Variants in ELOVL7 observed in about 807,000 individuals in gnomAD.
ELOVL7 encodes the protein ELOVL fatty acid elongase 7.
Under a neutral mutation model 35.7 loss-of-function variants are expected in ELOVL7, and 27 were observed. That is an observed-to-expected ratio of 0.76 (90% CI 0.56 to 1.04). The LOEUF (loss-of-function observed/expected upper bound fraction) is 1.04. Among genes scored for constraint, ELOVL7 ranks in the 50% least tolerant of loss-of-function variants. The pLI is 0.00. For synonymous variants in ELOVL7, 113 were observed against 114.6 expected, an observed-to-expected ratio of 0.99 and a Z score of 0.09; for missense variants, 327 against 340.8, an observed-to-expected ratio of 0.96 and a Z score of 0.32.
chr5:60,756,692 G>C (rs1741558412), intron 8 of ELOVL7, among the ~76,000 whole-genome samples: 1 of 152,010 alleles, frequency 6.6e-6, no homozygotes, highest in Admixed American at 6.5e-5. Context: ...TTTCATGTAG[G>C]AAGTTACAGG....
At chr5:60,800,495 A>G (rs1034048317) in intron 1 of ELOVL7, among the ~76,000 whole-genome samples, 1 of 152,252 alleles carries the variant, frequency 6.6e-6, no homozygotes, top group African/African-American at 2.4e-5. Flanking sequence ...TGAAGGCCAT[A>G]TATAAAAAGC....
intron 7 of ELOVL7, among the ~76,000 whole-genome samples, chr5:60,760,317 T>C (rs1248729776): frequency 6.6e-6 from 1 of 152,252 alleles, no homozygotes; most frequent in Non-Finnish European, 1.5e-5. Flanking sequence ...CCTGACCTTT[T>C]AATGATTGCC....
intron 1 of ELOVL7, among the ~76,000 whole-genome samples, chr5:60,819,568 G>A (rs538460698): frequency 6.6e-6 from 1 of 152,204 alleles, no homozygotes; most frequent in East Asian, 1.9e-4. Flanking sequence ...GATCACCTGA[G>A]GTCAGGAGTT....
chr5:60,795,805 G>T (rs1192659998), intron 2 of ELOVL7, among the ~76,000 whole-genome samples: 1 of 151,514 alleles, frequency 6.6e-6, no homozygotes, highest in East Asian at 2.0e-4. Flanking sequence ...AACACTAGTC[G>T]CTAGGTTCCA....
rs770769866 is a variant in ELOVL7, at chr5:60,754,806, T to C, written c.664A>G (p.Ile222Val). 9 of 1,614,134 alleles carry C rather than the reference T, an allele frequency of 5.6e-6. No individual in the cohort carries two copies. The highest frequency in any genetic ancestry group is 1.1e-5 in the South Asian group (1 of 91,080). The change falls in exon 9 of 9, where the codon ATA (isoleucine) becomes GTA (valine). Residue 222 changes from isoleucine (I) to valine (V), a missense_variant. Coordinates refer to ENST00000508821, the MANE Select transcript of ELOVL7 (RefSeq NM_024930.3). Reference protein sequence around the residue: ...LVQFVIVAIHISQFFFMEDCK... With the variant: ...LVQFVIVAIHVSQFFFMEDCK... ...TCCTCCATGAAAAAGAACTGGCTTATGTGGATGGCGACAATAACAAACTGG... is the reference window on the plus strand; with the variant it reads ...TCCTCCATGAAAAAGAACTGGCTTACGTGGATGGCGACAATAACAAACTGG...
At chr5:60,837,410 T>A (rs1158202143) in intron 1 of ELOVL7, among the ~76,000 whole-genome samples, 1 of 149,478 alleles carries the variant, frequency 6.7e-6, no homozygotes, top group Non-Finnish European at 1.5e-5. Flanking sequence ...TGAGCCAAGA[T>A]CACAACATTG....
intron 1 of ELOVL7, among the ~76,000 whole-genome samples, chr5:60,833,648 T>G (rs1746617107): frequency 6.6e-6 from 1 of 152,202 alleles, no homozygotes; most frequent in African/African-American, 2.4e-5. Context: ...AGTAAGCACA[T>G]GAGCACTGGA....
At chr5:60,835,454 G>A (rs1455466361) in intron 1 of ELOVL7, among the ~76,000 whole-genome samples, 2 of 151,330 alleles carry the variant, frequency 1.3e-5, no homozygotes, top group Non-Finnish European at 2.9e-5. Flanking sequence ...CTCTGTCATC[G>A]AGGCTGAAGT....
intron 2 of ELOVL7, among the ~76,000 whole-genome samples, chr5:60,789,775 T>C (rs1743813494): frequency 1.3e-5 from 2 of 152,142 alleles, no homozygotes; most frequent in African/African-American, 4.8e-5. Context: ...TATTATGACA[T>C]TGTAAATAAG....
At chr5:60,823,442 G>A (rs560182825) in intron 1 of ELOVL7, among the ~76,000 whole-genome samples, 2 of 152,214 alleles carry the variant, frequency 1.3e-5, no homozygotes, top group African/African-American at 4.8e-5. Context: ...AGGAAGGCAC[G>A]GACTATAACT....
chr5:60,791,859 C>A (rs1305368937), intron 2 of ELOVL7, among the ~76,000 whole-genome samples: 1 of 152,148 alleles, frequency 6.6e-6, no homozygotes, highest in Admixed American at 6.5e-5. Flanking sequence ...GTTTTACAAG[C>A]CATGTGGCAG....
At chr5:60,760,280 T>C (rs1039931990) in intron 7 of ELOVL7, among the ~76,000 whole-genome samples, 92 of 152,282 alleles carry the variant, frequency 6.0e-4, no homozygotes, top group African/African-American at 1.0e-3. Flanking sequence ...TCCTATTTCT[T>C]CGCATCCTCT....
At chr5:60,795,639 G>A (rs1182858324) in intron 2 of ELOVL7, among the ~76,000 whole-genome samples, 1 of 152,206 alleles carries the variant, frequency 6.6e-6, no homozygotes, top group Non-Finnish European at 1.5e-5. Flanking sequence ...GAATGCCGAT[G>A]TCGGAGACTC....
intron 1 of ELOVL7, among the ~76,000 whole-genome samples, chr5:60,815,233 C>T (rs1006021662): frequency 6.6e-6 from 1 of 152,194 alleles, no homozygotes; most frequent in African/African-American, 2.4e-5. Context: ...AAATACTTAT[C>T]ATTCTTTAAA....
chr5:60,834,655 TA>T (rs1298145057), intron 1 of ELOVL7, among the ~76,000 whole-genome samples: 1 of 151,674 alleles, frequency 6.6e-6, no homozygotes, highest in East Asian at 2.0e-4. Flanking sequence ...TGATATAAAA[TA>T]AGAAGTATGA....
At chr5:60,825,375 C>T (rs191559973) in intron 1 of ELOVL7, among the ~76,000 whole-genome samples, 92 of 152,336 alleles carry the variant, frequency 6.0e-4, no homozygotes, top group African/African-American at 1.7e-3. Flanking sequence ...ACTCCAACAA[C>T]ACGCACTTCC....
chr5:60,761,237 A>G (rs753963365), intron 7 of ELOVL7, among the ~76,000 whole-genome samples: 5 of 152,182 alleles, frequency 3.3e-5, no homozygotes, highest in Admixed American at 6.5e-5. Flanking sequence ...GGTAATTATC[A>G]CAATTCTCCA....
At chr5:60,767,997 A>G in intron 4 of ELOVL7, 94 bp from the exon 5 acceptor site, 1 of 949,514 alleles carries the variant, frequency 1.1e-6, no homozygotes, top group South Asian at 1.3e-5. Context: ...TTACATTTTC[A>G]GCTAAGTCAA....
chr5:60,841,142 C>CA (rs1429368819), intron 1 of ELOVL7, among the ~76,000 whole-genome samples: 6 of 151,546 alleles, frequency 4.0e-5, no homozygotes, highest in Admixed American at 1.3e-4. Context: ...TCTCCTGCCT[C>CA]AGCCTCCCAA....
Sources: gnomAD v4.1 joint callset for allele counts (sites outside exome capture counted in the v4.1 genomes callset) on GRCh38, gnomAD v4.1.1 for gene constraint, MANE v1.5 for transcripts, NCBI Gene and HGNC (gene_info 2026-07-23, HGNC 2026-07-21) for gene names.